GRIN3A: variants seen among roughly 807,000 people sequenced by gnomAD.
GRIN3A encodes glutamate ionotropic receptor NMDA type subunit 3A, also known as glutamate receptor ionotropic, NMDA 3A.
Under a neutral mutation model 92.4 loss-of-function variants are expected in GRIN3A, and 47 were observed. That is an observed-to-expected ratio of 0.51 (90% CI 0.40 to 0.65). The LOEUF (loss-of-function observed/expected upper bound fraction) is 0.65, where lower values mean the gene tolerates loss of function less well. Among genes scored for constraint, GRIN3A ranks in the 30% least tolerant of loss-of-function variants. GRIN3A has a pLI of 0.00. For synonymous variants in GRIN3A, 527 were observed against 540.6 expected, an observed-to-expected ratio of 0.97 and a Z score of 0.35; for missense variants, 1,324 against 1,393.1, an observed-to-expected ratio of 0.95 and a Z score of 0.79.
chr9:101,701,540 C>A (rs957109779), intron 1 of GRIN3A, among the ~76,000 whole-genome samples: 1 of 152,012 alleles, frequency 6.6e-6, no homozygotes, highest in Admixed American at 6.6e-5. Flanking sequence ...GGATTAAAAG[C>A]CTCACTGTAA....
chr9:101,714,791 C>T (rs1829922834), intron 1 of GRIN3A, among the ~76,000 whole-genome samples: 2 of 152,074 alleles, frequency 1.3e-5, no homozygotes, highest in South Asian at 2.1e-4. Context: ...TGCAAATGAA[C>T]TATTCATAGA....
At chr9:101,712,900 T>C (rs1454736691) in intron 1 of GRIN3A, among the ~76,000 whole-genome samples, 1 of 152,240 alleles carries the variant, frequency 6.6e-6, no homozygotes, top group East Asian at 1.9e-4. Context: ...GATCCTATTA[T>C]TTCTATCTTA....
At chr9:101,632,354 T>G (rs1346227229) in intron 3 of GRIN3A, among the ~76,000 whole-genome samples, 1 of 152,220 alleles carries the variant, frequency 6.6e-6, no homozygotes, top group African/African-American at 2.4e-5. Context: ...TCCATGAGGA[T>G]GGTGCCCATA....
chr9:101,596,991 C>A (rs1408671620), intron 6 of GRIN3A, among the ~76,000 whole-genome samples: 1 of 152,192 alleles, frequency 6.6e-6, no homozygotes, highest in African/African-American at 2.4e-5. Context: ...GGGCCACATG[C>A]CCATGAAGCT....
chr9:101,577,662 T>G, intron 8 of GRIN3A, 106 bp downstream of exon 8: 1 of 865,408 alleles, frequency 1.2e-6, no homozygotes, highest in East Asian at 2.5e-5. Context: ...CTATTTATAC[T>G]GATTCTTTTG....
At chr9:101,585,928 T>G (rs762754730) in intron 6 of GRIN3A, among the ~76,000 whole-genome samples, 17 of 152,192 alleles carry the variant, frequency 1.1e-4, no homozygotes, top group Admixed American at 3.9e-4. Context: ...TTTCCTCATA[T>G]CCTTCTTCTC....
chr9:101,614,842 C>T (rs1230233268), intron 5 of GRIN3A, among the ~76,000 whole-genome samples: 1 of 151,782 alleles, frequency 6.6e-6, no homozygotes, highest in Non-Finnish European at 1.5e-5. Context: ...TGGTCTTGAA[C>T]TCCTGGAGTC....
intron 6 of GRIN3A, among the ~76,000 whole-genome samples, chr9:101,597,113 C>T (rs1414418821): frequency 6.6e-6 from 1 of 152,198 alleles, no homozygotes; most frequent in African/African-American, 2.4e-5. Flanking sequence ...GAGGACACAA[C>T]CACTGACAGA....
At chr9:101,648,638 C>T (rs150034878) in intron 3 of GRIN3A, among the ~76,000 whole-genome samples, 2,459 of 152,156 alleles carry the variant, frequency 0.016, 78 homozygotes, top group African/African-American at 0.056. Flanking sequence ...TTTAGGTACT[C>T]CAGTGTTGAA....
At chr9:101,619,342 G>T (rs1828516908) in intron 5 of GRIN3A, among the ~76,000 whole-genome samples, 1 of 152,152 alleles carries the variant, frequency 6.6e-6, no homozygotes, top group South Asian at 2.1e-4. Flanking sequence ...CTTAGCCTCA[G>T]CATATCAAAG....
intron 2 of GRIN3A, among the ~76,000 whole-genome samples, chr9:101,678,204 T>C (rs1201486471): frequency 6.6e-6 from 1 of 152,204 alleles, no homozygotes. Flanking sequence ...ATCAGACATG[T>C]ATCTCTTACA....
At position 101,738,112 on chromosome 9, in the gene GRIN3A, G is replaced by A. The variant is rs1045754696; in HGVS notation, c.-133C>T. 8 of 814,464 alleles carry A rather than the reference G, an allele frequency of 9.8e-6. No homozygotes were observed. The highest frequency in any genetic ancestry group is 3.4e-5 in the African/African-American group (2 of 59,182). The allele number at this position is 814,464 out of a possible 1,614,324, so 50.5% of individuals were successfully genotyped here. On this transcript the variant is annotated 5_prime_UTR_variant, in exon 1 of 9. Transcript: ENST00000361820. ...ACTCGGTGAAGCGGTCCCAGGAGCTGGAGCGGTCTCTAGGCCATGCAAGTT... is the reference window on the plus strand; with the variant it reads ...ACTCGGTGAAGCGGTCCCAGGAGCTAGAGCGGTCTCTAGGCCATGCAAGTT...
rs148764904 is a variant in GRIN3A, at chr9:101,602,697, G to A, written c.2766+10679C>T. Among the ~76,000 whole-genome samples, 47 of 152,312 alleles carry A rather than the reference G, an allele frequency of 3.1e-4. 1 individual carries two copies. Among genetic ancestry groups the A allele is most frequent in the African/African-American group, 1.0e-3 (42 of 41,558 alleles). Reference sequence around the variant, plus strand: ...AGTATCTCTGGCATATAAAAGCGGGGACTCTTATTCCGAGAGGTCTGTTTA... The same window carrying A: ...AGTATCTCTGGCATATAAAAGCGGGAACTCTTATTCCGAGAGGTCTGTTTA... On this transcript the variant is annotated intron_variant, in intron 6 of 8. Transcript: ENST00000361820.
At chr9:101,676,943 C>G (rs192917044) in intron 2 of GRIN3A, among the ~76,000 whole-genome samples, 1 of 151,004 alleles carries the variant, frequency 6.6e-6, no homozygotes, top group Admixed American at 6.6e-5. Flanking sequence ...TTCATATCTA[C>G]GACGAATCTT....
At position 101,612,697 on chromosome 9, in the gene GRIN3A, A is replaced by G. The variant is rs73509395; in HGVS notation, c.2766+679T>C. ...CTCTGGTTATACCTTCCAGTCTCCA[A>G]TTTTAATCATCCAATTTCTGCCTTA... On this transcript the variant is annotated intron_variant, in intron 6 of 8. Transcript: ENST00000361820. Among the ~76,000 whole-genome samples, 1,166 of 152,268 alleles carry G rather than the reference A, an allele frequency of 7.7e-3. 15 individuals are homozygous for G. The highest frequency in any genetic ancestry group is 0.027 in the African/African-American group (1,124 of 41,544).
intron 3 of GRIN3A, among the ~76,000 whole-genome samples, chr9:101,663,821 A>T (rs1373304022): frequency 6.6e-6 from 1 of 151,196 alleles, no homozygotes; most frequent in African/African-American, 2.4e-5. Context: ...TACAACAATG[A>T]TACTAGCTTC....
Position 101,670,383 on chromosome 9 carries a change from T to C in GRIN3A, c.2029A>G (p.Met677Val). 6.2e-7 allele frequency: 1 copy of C among 1,613,996 alleles called. No homozygotes were observed. The highest frequency in any genetic ancestry group is 8.5e-7 in the Non-Finnish European group (1 of 1,179,932). The change falls in exon 3 of 9, where the codon ATG (methionine) becomes GTG (valine). Residue 677 changes from methionine (M) to valine (V), a missense_variant. Coordinates refer to ENST00000361820, the MANE Select transcript of GRIN3A (RefSeq NM_133445.3). The stretch of plus-strand genomic sequence containing the variant: ...AGAGCCACAAAAATCCCCAGCCACA[T>C]TGTCCAGTGGAGTGGCCACATGAAG... ...GAFMWPLHWT[M>V]WLGIFVALHI... is the part of the protein sequence containing the mutation.
intron 6 of GRIN3A, chr9:101,601,006 T>C (rs1564123342): frequency 1.3e-5 from 2 of 152,184 alleles, no homozygotes; most frequent in African/African-American, 4.8e-5. Context: ...ACAAAACATG[T>C]CATCAGAGAG....
At chr9:101,604,780 G>A (rs1828255680) in intron 6 of GRIN3A, among the ~76,000 whole-genome samples, 1 of 152,160 alleles carries the variant, frequency 6.6e-6, no homozygotes, top group Non-Finnish European at 1.5e-5. Context: ...ATGAATTAAA[G>A]ATAAACTGGT....
Sources: allele counts gnomAD v4.1 joint callset (sites outside exome capture counted in the v4.1 genomes callset), GRCh38; gene constraint gnomAD v4.1.1; transcripts MANE v1.5; gene names NCBI Gene and HGNC (gene_info 2026-07-23, HGNC 2026-07-21).